DNAH3: variants seen among roughly 807,000 people sequenced by gnomAD.
DNAH3 encodes the protein axonemal beta dynein heavy chain 3.
Under a neutral mutation model 432.5 loss-of-function variants are expected in DNAH3, and 332 were observed. The ratio of observed to expected loss-of-function variants is 0.77; its 90% CI spans 0.70 to 0.84. DNAH3 has a LOEUF of 0.84. Among genes scored for constraint, DNAH3 ranks in the 40% least tolerant of loss-of-function variants. The pLI is 0.00. For missense variants in DNAH3, 4,861 were observed against 5,114.0 expected, an observed-to-expected ratio of 0.95 and a Z score of 1.51; for synonymous variants, 1,956 against 1,900.2, an observed-to-expected ratio of 1.03 and a Z score of -0.76.
At chr16:20,979,395 C>G in exon 50 of DNAH3, 1 of 1,614,166 alleles carries the variant, frequency 6.2e-7, no homozygotes, top group South Asian at 1.1e-5. Context: ...ATAGCCACCT[C>G]TTGCCTCTTG....
At chr16:20,947,848 C>T (rs1434225751) in intron 57 of DNAH3, among the ~76,000 whole-genome samples, 1 of 152,104 alleles carries the variant, frequency 6.6e-6, no homozygotes, top group Non-Finnish European at 1.5e-5. Context: ...ATGGTCTCAG[C>T]TCACCACAAC....
intron 1 of DNAH3, among the ~76,000 whole-genome samples, chr16:21,152,578 C>T (rs545351308): frequency 8.7e-4 from 132 of 152,372 alleles, no homozygotes; most frequent in African/African-American, 3.1e-3. Context: ...GCTCCCTCAG[C>T]TTGCAGGCAG....
chr16:21,157,705 G>A (rs575801211), intron 1 of DNAH3, among the ~76,000 whole-genome samples: 7 of 152,134 alleles, frequency 4.6e-5, no homozygotes, highest in Non-Finnish European at 8.8e-5. Flanking sequence ...GTCAACACAG[G>A]TCCCTGTCTG....
At chr16:20,941,178 A>G (rs769117711) in intron 59 of DNAH3, among the ~76,000 whole-genome samples, 23 of 152,222 alleles carry the variant, frequency 1.5e-4, no homozygotes, top group Non-Finnish European at 2.8e-4. Flanking sequence ...GCCTAACTTT[A>G]TAGATGTCAC....
At chr16:21,029,438 A>G (rs2088757745) in intron 37 of DNAH3, among the ~76,000 whole-genome samples, 1 of 152,236 alleles carries the variant, frequency 6.6e-6, no homozygotes, top group Non-Finnish European at 1.5e-5. Flanking sequence ...GCTATATGCC[A>G]GGCACCATCA....
chr16:21,079,484 A>G (rs1229794508), intron 20 of DNAH3, among the ~76,000 whole-genome samples: 1 of 152,100 alleles, frequency 6.6e-6, no homozygotes, highest in Non-Finnish European at 1.5e-5. Flanking sequence ...TTAGCCAGGC[A>G]TGATGGCAGG....
intron 40 of DNAH3, among the ~76,000 whole-genome samples, chr16:21,020,107 A>G (rs1457396719): frequency 2.0e-5 from 3 of 148,714 alleles, no homozygotes; most frequent in Admixed American, 1.4e-4. Flanking sequence ...TGTAGCCTCA[A>G]CCTCCCGGGC....
intron 3 of DNAH3, among the ~76,000 whole-genome samples, chr16:21,142,161 TGGA>T (rs1224173805): frequency 6.6e-6 from 1 of 152,116 alleles, no homozygotes; most frequent in African/African-American, 2.4e-5. Flanking sequence ...GGTCAGGAGT[TGGA>T]GACCAGCCTG....
chr16:21,031,423 G>A (rs1436556726), intron 36 of DNAH3, 137 bp from the exon 37 acceptor site: 2 of 1,130,454 alleles, frequency 1.8e-6, no homozygotes, highest in Admixed American at 2.6e-5. Flanking sequence ...TAAAACATGT[G>A]CTCAGTTTTT....
chr16:21,068,325 T>TGGGG lies in DNAH3; in HGVS notation c.3382-910_3382-907dup, dbSNP rs10547729. On this transcript the variant is annotated intron_variant, in intron 23 of 61. Coordinates refer to ENST00000261383, the Ensembl canonical transcript of DNAH3. ...TATTTGTATATTACTTTTTTTTGGGTGGGGGGGGGGACAGAGTCTCGCTCT... is the reference window on the plus strand; with the variant it reads ...TATTTGTATATTACTTTTTTTTGGGTGGGGGGGGGGGGGGACAGAGTCTCGCTCT... 7.1e-3 allele frequency among the ~76,000 whole-genome samples: 540 copies of TGGGG among 76,422 alleles called. 3 individuals are homozygous for TGGGG. The highest frequency in any genetic ancestry group is 0.021 in the South Asian group (41 of 1,952). 50.1% of individuals were successfully genotyped at this position (76,422 alleles called of 152,430 possible).
chr16:21,036,016 A>G (rs1461561164), intron 35 of DNAH3, among the ~76,000 whole-genome samples: 1 of 152,228 alleles, frequency 6.6e-6, no homozygotes, highest in Non-Finnish European at 1.5e-5. Flanking sequence ...TCCATTTTAC[A>G]GAGGACTGAG....
chr16:21,084,086 A>C (rs994286919), intron 19 of DNAH3, among the ~76,000 whole-genome samples: 1 of 151,952 alleles, frequency 6.6e-6, no homozygotes, highest in Non-Finnish European at 1.5e-5. Flanking sequence ...GTGTAGAAAA[A>C]TTCCAATCCC....
At chr16:21,023,945 C>A (rs1215845657) in intron 39 of DNAH3, among the ~76,000 whole-genome samples, 1 of 152,106 alleles carries the variant, frequency 6.6e-6, no homozygotes, top group East Asian at 1.9e-4. Context: ...TAGGAATAGA[C>A]CATCCTTGGA....
intron 17 of DNAH3, 108 bp from the exon 18 acceptor site, chr16:21,097,607 C>A: frequency 7.6e-7 from 1 of 1,321,380 alleles, no homozygotes; most frequent in Non-Finnish European, 1.1e-6. Flanking sequence ...GAGGGAAATG[C>A]TTATTCATCT....
intron 26 of DNAH3, among the ~76,000 whole-genome samples, chr16:21,058,763 C>T (rs897862709): frequency 1.3e-5 from 2 of 152,132 alleles, no homozygotes; most frequent in African/African-American, 4.8e-5. Context: ...TGCATGTTCT[C>T]ACTCATAAGT....
rs1447273962 is a variant in DNAH3 at position 21,097,362 on chromosome 16, C to T, written c.2658G>A (p.Trp886Ter). The change falls in exon 18 of 62, where the codon TGG becomes TGA. Residue 886 changes from tryptophan to a stop codon, truncating the protein, a stop_gained. Coordinates refer to ENST00000261383, the Ensembl canonical transcript of DNAH3. LOFTEE classifies it high-confidence loss of function. ...AGTGAGATCACCACATACCATTCAT[C>T]CATTCCTCTGACTTGATGCTGAACT... The T allele has an allele frequency of 3.7e-6, 6 of 1,613,614 alleles. No homozygotes were observed. The highest frequency in any genetic ancestry group is 5.1e-6 in the Non-Finnish European group (6 of 1,179,938).
chr16:21,061,501 G>C (rs1039671708), intron 25 of DNAH3, among the ~76,000 whole-genome samples: 1 of 152,130 alleles, frequency 6.6e-6, no homozygotes, highest in African/African-American at 2.4e-5. Flanking sequence ...TGGGATTACA[G>C]GTGCAAGCCA....
chr16:21,025,088 C>A (rs550369545), intron 38 of DNAH3, among the ~76,000 whole-genome samples: 1 of 152,008 alleles, frequency 6.6e-6, no homozygotes, highest in Non-Finnish European at 1.5e-5. Context: ...CCACACCTGG[C>A]TAACTTTTTT....
In DNAH3 at chr16:21,106,798, T is replaced by G. The variant is rs1274967395; in HGVS notation, c.2100-124A>C. 3 of 821,330 alleles carry G rather than the reference T, an allele frequency of 3.7e-6. No homozygotes were observed. The African/African-American group carries it at 5.1e-5, about 14-fold the overall frequency. The allele number at this position is 821,330 out of a possible 1,614,324, so 50.9% of individuals were successfully genotyped here. On this transcript the variant is annotated intron_variant, in intron 14 of 61. Transcript: ENST00000261383. ...TCCTATTTGAAAAAAAAAGAAAATT[T>G]TTTTTTAATTTTTTCCCTGCCTGCA... is the stretch of plus-strand genomic sequence containing the variant.
Sources: gnomAD v4.1 joint callset for allele counts (sites outside exome capture counted in the v4.1 genomes callset) on GRCh38, gnomAD v4.1.1 for gene constraint, MANE v1.5 for transcripts, NCBI Gene and HGNC (gene_info 2026-07-23, HGNC 2026-07-21) for gene names.